The following PCCA variants were observed in gnomAD, a reference collection of about 807,000 sequenced individuals.
PCCA encodes propionyl-CoA carboxylase alpha chain, mitochondrial.
A neutral mutation model predicts 101.3 loss-of-function variants in PCCA; 74 were observed. The ratio of observed to expected loss-of-function variants is 0.73; its 90% CI spans 0.61 to 0.89. The LOEUF is 0.89. Among genes scored for constraint, PCCA ranks in the 40% least tolerant of loss-of-function variants. PCCA has a pLI of 0.00. For synonymous variants in PCCA, 294 were observed against 313.6 expected (o/e 0.94, Z 0.66); for missense variants, 891 against 907.0 (o/e 0.98, Z 0.23).
Position 100,476,738 on chromosome 13 carries a change from C to G in PCCA, c.1899+27433C>G, listed in dbSNP as rs151232031. Among the ~76,000 whole-genome samples, 270 of 152,278 alleles carry G rather than the reference C, an allele frequency of 1.8e-3. 1 individual carries two copies. Among genetic ancestry groups the G allele is most frequent in the African/African-American group, 6.4e-3 (265 of 41,554 alleles). The stretch of plus-strand genomic sequence containing the variant: ...GCAACCAGCTGGTGTACACACTGCA[C>G]CTAAATACAAATTCATAGGTATCAA... On this transcript the variant is annotated intron_variant, in intron 21 of 23. Coordinates refer to ENST00000376285, the MANE Select transcript of PCCA (RefSeq NM_000282.4).
chr13:100,483,307 C>A (rs2084102112), intron 21 of PCCA, among the ~76,000 whole-genome samples: 1 of 152,102 alleles, frequency 6.6e-6, no homozygotes, highest in Non-Finnish European at 1.5e-5. Flanking sequence ...GATGTATTCC[C>A]AGATTTTAAA....
At chr13:100,477,871 A>G (rs1261551062) in intron 21 of PCCA, among the ~76,000 whole-genome samples, 1 of 152,156 alleles carries the variant, frequency 6.6e-6, no homozygotes, top group East Asian at 1.9e-4. Context: ...CCTTCCCTGG[A>G]TTGAATGCAG....
In PCCA at chr13:100,140,948, A is replaced by G. The variant is rs577156622; in HGVS notation, c.301-14031A>G. Among the ~76,000 whole-genome samples the G allele has an allele frequency of 2.6e-5, 4 of 152,320 alleles. No individual in the cohort carries two copies. The East Asian group carries it at 7.7e-4, about 29-fold the overall frequency. On this transcript the variant is annotated intron_variant, in intron 4 of 23. Transcript: ENST00000376285. ...GGAGGTTTTCATTGTTGATAGCACT[A>G]TGTCCTAACCTTCATCTGAGGTTAC...
At chr13:100,351,444 C>T (rs899689781) in intron 18 of PCCA, among the ~76,000 whole-genome samples, 1 of 151,560 alleles carries the variant, frequency 6.6e-6, no homozygotes, top group African/African-American at 2.4e-5. Context: ...TTTCTCTGTT[C>T]GTATATATGA....
intron 18 of PCCA, 115 bp from the exon 19 acceptor site, chr13:100,368,357 C>T (rs927850796): frequency 1.8e-5 from 12 of 655,870 alleles, no homozygotes; most frequent in East Asian, 1.7e-4. Context: ...TTAAAATGTT[C>T]GCAAATACAT....
intron 18 of PCCA, among the ~76,000 whole-genome samples, chr13:100,350,673 T>C (rs2073160595): frequency 6.6e-6 from 1 of 152,210 alleles, no homozygotes; most frequent in African/African-American, 2.4e-5. Flanking sequence ...CTATAAGAGC[T>C]GAGGGAAAGG....
chr13:100,467,057 G>C (rs893286155), intron 21 of PCCA, among the ~76,000 whole-genome samples: 4 of 152,136 alleles, frequency 2.6e-5, no homozygotes, highest in Non-Finnish European at 5.9e-5. Context: ...TCCCCTTTGA[G>C]ATCACCAGTA....
chr13:100,265,062 G>A (rs532914043), intron 10 of PCCA, among the ~76,000 whole-genome samples: 82 of 152,192 alleles, frequency 5.4e-4, no homozygotes, highest in African/African-American at 1.9e-3. Flanking sequence ...TGGAGTGTCC[G>A]AGTTCTGTAT....
intron 7 of PCCA, among the ~76,000 whole-genome samples, chr13:100,224,413 G>C (rs2060023405): frequency 6.6e-6 from 1 of 152,212 alleles, no homozygotes; most frequent in African/African-American, 2.4e-5. Flanking sequence ...AGCAGCCCTG[G>C]TTCCCGCTGG....
intron 4 of PCCA, among the ~76,000 whole-genome samples, chr13:100,133,565 TTGC>T (rs2050778790): frequency 6.6e-6 from 1 of 152,256 alleles, no homozygotes; most frequent in Non-Finnish European, 1.5e-5. Flanking sequence ...TCTGTAAGAT[TTGC>T]AGTCGGTTTT....
intron 21 of PCCA, among the ~76,000 whole-genome samples, chr13:100,462,449 AAGAC>A (rs1419365745): frequency 6.6e-6 from 1 of 152,182 alleles, no homozygotes; most frequent in Admixed American, 6.5e-5. Context: ...CTGGCTGGTG[AAGAC>A]AGACAAACTG....
chr13:100,421,879 T>C (rs2078786605), intron 19 of PCCA, among the ~76,000 whole-genome samples: 1 of 152,070 alleles, frequency 6.6e-6, no homozygotes, highest in African/African-American at 2.4e-5. Flanking sequence ...GAGACGAGGT[T>C]TCACCATGTT....
chr13:100,328,356 C>G (rs1343685953), intron 16 of PCCA, among the ~76,000 whole-genome samples: 1 of 142,122 alleles, frequency 7.0e-6, no homozygotes, highest in East Asian at 2.0e-4. Flanking sequence ...GAGTGAGACC[C>G]TGTCTCAAAA....
intron 4 of PCCA, among the ~76,000 whole-genome samples, chr13:100,148,900 T>C (rs1437157725): frequency 6.6e-6 from 1 of 152,096 alleles, no homozygotes; most frequent in Non-Finnish European, 1.5e-5. Context: ...AGAAGAAAAA[T>C]AGTAGTCCAC....
At chr13:100,104,954 C>G (rs2047618897) in intron 2 of PCCA, among the ~76,000 whole-genome samples, 1 of 152,090 alleles carries the variant, frequency 6.6e-6, no homozygotes, top group Admixed American at 6.6e-5. Context: ...CTTCCTGCCT[C>G]AGCCTCCCAA....
chr13:100,237,543 C>T (rs1170698617), intron 8 of PCCA: 1 of 152,126 alleles, frequency 6.6e-6, no homozygotes, highest in Admixed American at 6.5e-5. Flanking sequence ...AGTTTCTGTT[C>T]ATGGTTTGAA....
chr13:100,461,184 T>G (rs2082139475), intron 21 of PCCA, among the ~76,000 whole-genome samples: 1 of 152,262 alleles, frequency 6.6e-6, no homozygotes, highest in South Asian at 2.1e-4. Flanking sequence ...TTGTTATTGC[T>G]ACTATAGAAC....
chr13:100,444,069 C>T (rs1025283653), intron 20 of PCCA, among the ~76,000 whole-genome samples: 2 of 152,098 alleles, frequency 1.3e-5, no homozygotes, highest in African/African-American at 2.4e-5. Flanking sequence ...TTCCTGGTTT[C>T]CTTTCTTGCC....
At chr13:100,455,056 A>C (rs1434559036) in intron 21 of PCCA, among the ~76,000 whole-genome samples, 1 of 152,192 alleles carries the variant, frequency 6.6e-6, no homozygotes, top group East Asian at 1.9e-4. Context: ...CATGCCTATA[A>C]AGCCAGCACT....
Sources: gnomAD v4.1 joint callset for allele counts (sites outside exome capture counted in the v4.1 genomes callset) on GRCh38, gnomAD v4.1.1 for gene constraint, MANE v1.5 for transcripts, NCBI Gene and HGNC (gene_info 2026-07-23, HGNC 2026-07-21) for gene names.